SYNE2: variants seen among roughly 807,000 people sequenced by gnomAD.
The protein encoded by SYNE2 is nesprin-2.
A neutral mutation model predicts 856.3 loss-of-function variants in SYNE2; 431 were observed. That is an observed-to-expected ratio of 0.50 (90% CI 0.47 to 0.55). The LOEUF is 0.55. SYNE2 is among the 20% of genes least tolerant of loss of function. The pLI, the probability that SYNE2 is intolerant of heterozygous loss-of-function variation, is 0.00. For missense variants in SYNE2, 8,129 were observed against 8,023.2 expected, an observed-to-expected ratio of 1.01 and a Z score of -0.50; for synonymous variants, 2,923 against 2,872.3, an observed-to-expected ratio of 1.02 and a Z score of -0.56.
In SYNE2 at chr14:64,209,560, G is replaced by A. The variant is rs768505094; in HGVS notation, c.18522G>A (p.Glu6174=). Residue 6174 remains glutamate (E), a synonymous_variant, in exon 102 of 116, where the codon GAG becomes GAA. Coordinates refer to ENST00000555002, the MANE Select transcript of SYNE2 (RefSeq NM_182914.3). ...SSEVLYTSAK[E]ELKRFEAFQR... is the part of the protein sequence containing the mutation. The stretch of plus-strand genomic sequence containing the variant: ...AGGTGTTGTACACGAGTGCCAAAGA[G>A]GAACTGAAGAGGTTTGAGGTAAACA... 6.2e-7 allele frequency: 1 copy of A among 1,614,212 alleles called. No individual in the cohort carries two copies. The highest frequency in any genetic ancestry group is 2.2e-5 in the East Asian group (1 of 44,886).
intron 114 of SYNE2, 141 bp downstream of exon 114, chr14:64,224,688 T>G: frequency 1.1e-6 from 1 of 940,958 alleles, no homozygotes; most frequent in African/African-American, 1.6e-5. Flanking sequence ...AGGCTTACAG[T>G]CTGCCTCTAG....
At chr14:64,048,525 C>T (rs1254210893) in intron 46 of SYNE2, 1 of 175,820 alleles carries the variant, frequency 5.7e-6, no homozygotes, top group Non-Finnish European at 1.2e-5. Flanking sequence ...TTTGTTTTTA[C>T]ATCTGTGTTT....
intron 53 of SYNE2, among the ~76,000 whole-genome samples, chr14:64,075,029 A>G (rs2097446824): frequency 6.6e-6 from 1 of 152,162 alleles, no homozygotes; most frequent in African/African-American, 2.4e-5. Context: ...ACGGGATGAC[A>G]CTTACTTATT....
intron 37 of SYNE2, 78 bp from the exon 38 acceptor site, chr14:64,022,673 A>T (rs1411448634): frequency 2.7e-5 from 22 of 809,928 alleles, no homozygotes; most frequent in Non-Finnish European, 4.5e-5. Context: ...CATGGGAAAC[A>T]AGTTTCAAAA....
In SYNE2 at chr14:63,976,683, T is replaced by C; in HGVS notation, c.1249T>C (p.Ser417Pro). The C allele has an allele frequency of 6.2e-7, 1 of 1,613,264 alleles. No homozygotes were observed. The change falls in exon 12 of 116, where the codon TCT becomes CCT. Residue 417 changes from serine to proline, a missense_variant. Ser to Pro is a moderately conservative substitution (Grantham distance 74). This residue lies in a region of SYNE2 where 2,422 missense variants were observed against 2,357.4 expected (regional missense o/e 1.03). Transcript: ENST00000555002. The part of the protein sequence containing the change: ...DEDLSASQDH[S>P]QAVTLIQEKM... ...AGATTTGTCAGCCTCCCAGGATCAC[T>C]CTCAAGCCGTGACTCTGATACAAGA...
At chr14:64,152,803 A>G (rs1595870564) in intron 85 of SYNE2, 87 bp downstream of exon 85, 2 of 1,528,452 alleles carry the variant, frequency 1.3e-6, no homozygotes, top group South Asian at 2.3e-5. Context: ...TCCTTTACTC[A>G]TGGAGACTCT....
intron 57 of SYNE2, 94 bp from the exon 58 acceptor site, chr14:64,087,577 A>C: frequency 7.4e-7 from 1 of 1,342,798 alleles, no homozygotes; most frequent in Non-Finnish European, 1.1e-6. Flanking sequence ...TAAAATGTTG[A>C]GATAACTTTC....
intron 65 of SYNE2, among the ~76,000 whole-genome samples, chr14:64,108,665 C>G (rs551350066): frequency 6.6e-6 from 1 of 151,740 alleles, no homozygotes; most frequent in Non-Finnish European, 1.5e-5. Flanking sequence ...TTTTTTTCTC[C>G]CAATCTTTTG....
In SYNE2 at chr14:64,002,813, C is replaced by A. The variant is rs753815628; in HGVS notation, c.3880C>A (p.Leu1294Ile). 4.4e-5 allele frequency: 71 copies of A among 1,613,990 alleles called. No individual in the cohort carries two copies. Among genetic ancestry groups the A allele is most frequent in the Non-Finnish European group, 5.6e-5 (66 of 1,180,026 alleles). The part of the protein sequence containing the change: ...FVLKELHPFD[L>I]HAMQNIILKY... ...ATTAAAGGAGTTACACCCATTTGATCTACACGCAATGCAGAATATTATACT... is the reference window on the plus strand; with the variant it reads ...ATTAAAGGAGTTACACCCATTTGATATACACGCAATGCAGAATATTATACT... The change falls in exon 30 of 116, where the codon CTA (leucine) becomes ATA (isoleucine). Residue 1294 changes from leucine (L) to isoleucine (I), a missense_variant. This residue lies in a region of SYNE2 where 2,422 missense variants were observed against 2,357.4 expected (regional missense o/e 1.03). Transcript: ENST00000555002.
rs577026272 is a variant in SYNE2, at chr14:64,101,346, G to A, written c.12382-586G>A. ...CAGGTGTAAAGTAGTATCTCACTGT[G>A]GTTTTAATTTGCATTTCCCTGGTGA... is the stretch of plus-strand genomic sequence containing the variant. On this transcript the variant is annotated intron_variant, in intron 63 of 115. Transcript: ENST00000555002. 7.2e-5 allele frequency among the ~76,000 whole-genome samples: 11 copies of A among 151,938 alleles called. No homozygotes were observed. The South Asian group carries it at 1.9e-3, about 26-fold the overall frequency.
chr14:64,167,044 C>T (rs1306072634), intron 90 of SYNE2, 189 bp from the exon 91 acceptor site: 12 of 662,330 alleles, frequency 1.8e-5, no homozygotes, highest in Admixed American at 1.1e-4. Context: ...GGTTGGTATT[C>T]TAGAAGGCAC....
intron 49 of SYNE2, among the ~76,000 whole-genome samples, chr14:64,060,451 A>G (rs1410127756): frequency 6.6e-6 from 1 of 152,130 alleles, no homozygotes; most frequent in Admixed American, 6.5e-5. Context: ...CCTAGGAGCT[A>G]GGGCCTGGAA....
intron 1 of SYNE2, among the ~76,000 whole-genome samples, chr14:63,864,648 C>A (rs998241): frequency 0.63 from 96,020 of 152,042 alleles, 30,796 homozygotes; most frequent in South Asian, 0.77. Flanking sequence ...TATTATGTGT[C>A]TTACAAGGAG....
chr14:63,807,833 A>ATAT (rs1888430418), intron 1 of SYNE2, among the ~76,000 whole-genome samples: 1 of 72,638 alleles, frequency 1.4e-5, no homozygotes. Context: ...ATATATATAT[A>ATAT]TATATATATA....
intron 67 of SYNE2, 110 bp downstream of exon 67, chr14:64,119,719 AGT>A: frequency 9.0e-7 from 1 of 1,106,686 alleles, no homozygotes; most frequent in Non-Finnish European, 1.3e-6. Flanking sequence ...AACTGTACTA[AGT>A]GTGAAAGAAT....
chr14:63,801,700 A>G (rs536619151), intron 1 of SYNE2, among the ~76,000 whole-genome samples: 35 of 152,226 alleles, frequency 2.3e-4, no homozygotes, highest in African/African-American at 7.9e-4. Flanking sequence ...ATAAAGAAAT[A>G]AAACCCTAGA....
intron 2 of SYNE2, among the ~76,000 whole-genome samples, chr14:63,913,935 T>A (rs564404478): frequency 6.7e-6 from 1 of 149,762 alleles, no homozygotes; most frequent in East Asian, 2.0e-4. Context: ...ACTCCTGGCC[T>A]CGAGCTATCC....
chr14:64,136,276 C>G (rs936593319), intron 78 of SYNE2, among the ~76,000 whole-genome samples: 1 of 116,596 alleles, frequency 8.6e-6, no homozygotes, highest in Non-Finnish European at 1.6e-5. Context: ...GGTGACAGAG[C>G]GAGACTTCAT....
intron 6 of SYNE2, among the ~76,000 whole-genome samples, chr14:63,948,770 G>GTGTATA (rs1555393662): frequency 0.068 from 5,420 of 79,346 alleles, 677 homozygotes; most frequent in African/African-American, 0.21. Flanking sequence ...GTATATATAT[G>GTGTATA]TATGTGTGTG....
Sources: gnomAD v4.1 joint callset for allele counts (sites outside exome capture counted in the v4.1 genomes callset) on GRCh38, gnomAD v4.1.1 for gene constraint, gnomAD v4.1.1 regional missense constraint, MANE v1.5 for transcripts, NCBI Gene and HGNC (gene_info 2026-07-23, HGNC 2026-07-21) for gene names.